The following ZNF28 variants were observed in gnomAD, a reference collection of about 807,000 sequenced individuals.
The protein encoded by ZNF28 is zinc finger protein 28.
Under a neutral mutation model 7.2 loss-of-function variants are expected in ZNF28, and 5 were observed. The observed-to-expected ratio is 0.70, with a 90% CI of 0.36 to 1.46. ZNF28 has a LOEUF of 1.46. ZNF28 is among the 40% of genes most tolerant of loss of function. The pLI, the probability that ZNF28 is intolerant of heterozygous loss-of-function variation, is 0.03. For synonymous variants in ZNF28, 288 were observed against 292.4 expected (o/e 0.99, Z 0.15); for missense variants, 879 against 866.6 (o/e 1.01, Z -0.18).
At position 52,800,972 on chromosome 19, in the gene ZNF28, C is replaced by T. The variant is rs760962138; in HGVS notation, c.873G>A (p.Ala291=). 20 of 1,614,062 alleles carry T rather than the reference C, an allele frequency of 1.2e-5. No individual in the cohort carries two copies. Among genetic ancestry groups the T allele is most frequent in the South Asian group, 4.4e-5 (4 of 91,066 alleles). ...CATAAGGTTTGTCTGCAGTATGAAG[C>T]GCCTTGTGAAGGAAGAGGGATGTAT... ...GHNTSLFLHK[A]LHTADKPYEC... is the part of the protein sequence containing the mutation. The change falls in exon 4 of 4, where the codon GCG becomes GCA. Residue 291 remains alanine, a synonymous_variant. Coordinates refer to ENST00000457749, the MANE Select transcript of ZNF28 (RefSeq NM_006969.5).
At chr19:52,811,066 T>A (rs1482497010) in intron 2 of ZNF28, among the ~76,000 whole-genome samples, 6 of 150,418 alleles carry the variant, frequency 4.0e-5, no homozygotes, top group East Asian at 3.9e-4. Flanking sequence ...GTTTTCGTTT[T>A]TTTTTTTGGT....
At chr19:52,808,520 C>A (rs1449272239) in intron 2 of ZNF28, among the ~76,000 whole-genome samples, 1 of 151,874 alleles carries the variant, frequency 6.6e-6, no homozygotes, top group African/African-American at 2.4e-5. Flanking sequence ...GTCTGTAATC[C>A]CAGCTACGCA....
intron 2 of ZNF28, among the ~76,000 whole-genome samples, chr19:52,811,223 G>C (rs1568656360): frequency 6.6e-6 from 1 of 151,386 alleles, no homozygotes; most frequent in Non-Finnish European, 1.5e-5. Context: ...GAGTGCAGCG[G>C]CGTGATCTCG....
intron 2 of ZNF28, among the ~76,000 whole-genome samples, chr19:52,814,743 T>G (rs2063100716): frequency 6.9e-6 from 1 of 145,730 alleles, no homozygotes; most frequent in Admixed American, 6.9e-5. Flanking sequence ...AAAAATTATC[T>G]GGACATGGTG....
intron 2 of ZNF28, among the ~76,000 whole-genome samples, chr19:52,817,708 T>G (rs2063144563): frequency 1.3e-5 from 2 of 152,152 alleles, no homozygotes; most frequent in Admixed American, 1.3e-4. Context: ...TCTCCATCCA[T>G]GTCTGGGTGT....
Position 52,813,533 on chromosome 19 carries a change from T to C in ZNF28, c.15+4411A>G, listed in dbSNP as rs1399295054. ...AGGGCTCTGGAAGGACACCAGACTG[T>C]TCGGCTTGTCACCTTCCCTCCGTCT... is the stretch of plus-strand genomic sequence containing the variant. On this transcript the variant is annotated intron_variant, in intron 2 of 3. Coordinates refer to ENST00000457749, the MANE Select transcript of ZNF28 (RefSeq NM_006969.5). Among the ~76,000 whole-genome samples the C allele has an allele frequency of 2.2e-5, 3 of 138,814 alleles. No individual in the cohort carries two copies. In the Admixed American group the frequency reaches 2.2e-4, roughly 10 times the overall value. The allele number at this position is 138,814 out of a possible 152,430, so 91.1% of individuals were successfully genotyped here. A position where few individuals can be genotyped will look rare whatever the true frequency, so the allele number is the denominator to read the frequency against.
At chr19:52,814,052 T>G (rs2063090506) in intron 2 of ZNF28, among the ~76,000 whole-genome samples, 1 of 146,498 alleles carries the variant, frequency 6.8e-6, no homozygotes, top group Non-Finnish European at 1.5e-5. Context: ...CTTTTTTAAG[T>G]TACTACAGAA....
At chr19:52,803,980 A>C (rs1286685051) in intron 3 of ZNF28, among the ~76,000 whole-genome samples, 1 of 152,094 alleles carries the variant, frequency 6.6e-6, no homozygotes, top group Non-Finnish European at 1.5e-5. Flanking sequence ...AAGATAAATA[A>C]CTACTTCTCA....
At chr19:52,815,610 G>A (rs1356465843) in intron 2 of ZNF28, among the ~76,000 whole-genome samples, 2 of 146,582 alleles carry the variant, frequency 1.4e-5, no homozygotes, top group South Asian at 2.3e-4. Context: ...GAATCATGAG[G>A]TCAGGAGATC....
At chr19:52,816,271 C>A (rs2063122935) in intron 2 of ZNF28, among the ~76,000 whole-genome samples, 1 of 147,180 alleles carries the variant, frequency 6.8e-6, no homozygotes, top group Non-Finnish European at 1.5e-5. Context: ...GTAATCCCAA[C>A]ACTCTTGGGG....
At chr19:52,806,494 A>C (rs1007836159) in intron 3 of ZNF28, among the ~76,000 whole-genome samples, 3 of 152,050 alleles carry the variant, frequency 2.0e-5, no homozygotes, top group African/African-American at 7.3e-5. Context: ...GCACACGTCC[A>C]GGTTATGGTA....
chr19:52,818,555 A>G (rs7247680), intron 1 of ZNF28, among the ~76,000 whole-genome samples: 15,974 of 152,092 alleles, frequency 0.11, 1,238 homozygotes, highest in African/African-American at 0.2. Context: ...TCTACTAAAA[A>G]TACAAAAAGT....
At chr19:52,811,797 T>A (rs1600464109) in intron 2 of ZNF28, among the ~76,000 whole-genome samples, 1 of 141,466 alleles carries the variant, frequency 7.1e-6, no homozygotes, top group African/African-American at 2.7e-5. Flanking sequence ...AGCCGCCCCG[T>A]CCGGGAGGTG....
At chr19:52,808,736 C>T (rs948385407) in intron 2 of ZNF28, among the ~76,000 whole-genome samples, 10 of 152,022 alleles carry the variant, frequency 6.6e-5, no homozygotes, top group African/African-American at 1.2e-4. Context: ...ATGGCTTGAC[C>T]CTGAGGGTGG....
chr19:52,798,769 G>T lies in ZNF28; in HGVS notation c.*919C>A, dbSNP rs2062826739. The stretch of plus-strand genomic sequence containing the variant: ...AAAATCTGTCACATTTATTACACTT[G>T]TAAGATCTCTCATTATGGATTCTCC... On this transcript the variant is annotated 3_prime_UTR_variant, in exon 4 of 4. Transcript: ENST00000457749. The T allele has an allele frequency of 4.6e-6, 3 of 655,274 alleles. No individual in the cohort carries two copies. Among genetic ancestry groups the T allele is most frequent in the South Asian group, 1.4e-5 (1 of 69,460 alleles). The allele number at this position is 655,274 out of a possible 1,614,324, so 40.6% of individuals were successfully genotyped here.
chr19:52,799,814 G>T lies in ZNF28; in HGVS notation c.2031C>A (p.His677Gln). 1 of 1,613,542 alleles carries T rather than the reference G, an allele frequency of 6.2e-7. No individual in the cohort carries two copies. The highest frequency in any genetic ancestry group is 8.5e-7 in the Non-Finnish European group (1 of 1,179,952). The part of the protein sequence containing the change: ...ECGKVFNQQA[H>Q]LAQHQRVHTG... ...TATGAACTCTCTGATGCTGTGCAAG[G>T]TGTGCTTGTTGATTAAAAACCTTGC... The change falls in exon 4 of 4, where the codon CAC (histidine) becomes CAA (glutamine). Residue 677 changes from histidine (H) to glutamine (Q), a missense_variant. Physicochemically the swap from His to Gln is conservative, Grantham distance 24. This residue lies in a region of ZNF28 where 864 missense variants were observed against 830.2 expected (regional missense o/e 1.04). Transcript: ENST00000457749.
intron 2 of ZNF28, among the ~76,000 whole-genome samples, chr19:52,817,022 A>AAGAATGGTTGAATGACTCTCCTGCT (rs2063134741): frequency 6.6e-6 from 1 of 152,058 alleles, no homozygotes; most frequent in East Asian, 1.9e-4. Flanking sequence ...TCGATGTGTT[A>AAGAATGGTTGAATGACTCTCCTGCT]AGAATGGTTG....
chr19:52,813,905 G>A (rs747368666), intron 2 of ZNF28, among the ~76,000 whole-genome samples: 1 of 146,068 alleles, frequency 6.8e-6, no homozygotes, highest in Non-Finnish European at 1.5e-5. Context: ...GAGGAAGTGG[G>A]AACAGGGAGG....
chr19:52,811,690 G>A (rs1488019396), intron 2 of ZNF28, among the ~76,000 whole-genome samples: 16 of 146,948 alleles, frequency 1.1e-4, no homozygotes, highest in African/African-American at 3.1e-4. Context: ...GAGCCCCTCC[G>A]TCCGGCAACC....
Sources: gnomAD v4.1 joint callset for allele counts (sites outside exome capture counted in the v4.1 genomes callset) on GRCh38, gnomAD v4.1.1 for gene constraint, gnomAD v4.1.1 regional missense constraint, MANE v1.5 for transcripts, NCBI Gene and HGNC (gene_info 2026-07-23, HGNC 2026-07-21) for gene names.